Variants in CRADD observed in about 807,000 individuals in gnomAD.
CRADD encodes the protein death domain-containing protein CRADD.
CRADD carries 9 observed loss-of-function variants against 15.5 expected under a neutral mutation model. That is an observed-to-expected ratio of 0.58 (90% CI 0.35 to 1.01). CRADD has a LOEUF of 1.01. CRADD is among the 50% of genes least tolerant of loss of function. CRADD has a pLI of 0.02. For missense variants in CRADD, 227 were observed against 250.3 expected (o/e 0.91, Z 0.63); for synonymous variants, 118 against 107.6 (o/e 1.10, Z -0.60).
At chr12:93,790,840 A>T (rs1957340673) in intron 2 of CRADD, 2 of 151,998 alleles carry the variant, frequency 1.3e-5, no homozygotes, top group African/African-American at 2.4e-5. Context: ...TCATCTACTT[A>T]AAAAAATCAC....
chr12:93,865,985 G>A (rs183235796), intron 2 of CRADD, among the ~76,000 whole-genome samples: 36 of 152,038 alleles, frequency 2.4e-4, no homozygotes, highest in Non-Finnish European at 4.3e-4. Context: ...ATTACTTCTC[G>A]TTTCTAGCAT....
chr12:93,861,127 A>C (rs1463051685), intron 2 of CRADD, among the ~76,000 whole-genome samples: 1 of 152,116 alleles, frequency 6.6e-6, no homozygotes, highest in African/African-American at 2.4e-5. Flanking sequence ...TAAAGAGGGG[A>C]AGGGTAGTGG....
intron 2 of CRADD, among the ~76,000 whole-genome samples, chr12:93,732,292 GTC>G (rs1956480890): frequency 1.6e-5 from 1 of 63,538 alleles, no homozygotes; most frequent in African/African-American, 3.6e-5. Context: ...CATTTTCAGT[GTC>G]TCTAAAGATT....
At chr12:93,717,799 G>T (rs1161176522) in intron 2 of CRADD, among the ~76,000 whole-genome samples, 1 of 152,164 alleles carries the variant, frequency 6.6e-6, no homozygotes, top group Non-Finnish European at 1.5e-5. Flanking sequence ...AGGATTACAG[G>T]TATGAGCCGC....
chr12:93,770,967 G>C (rs1169312615), intron 2 of CRADD, among the ~76,000 whole-genome samples: 1 of 152,124 alleles, frequency 6.6e-6, no homozygotes, highest in Non-Finnish European at 1.5e-5. Context: ...TTTGTACATA[G>C]AGTATCTTTC....
intron 2 of CRADD, among the ~76,000 whole-genome samples, chr12:93,823,871 A>T (rs969361416): frequency 1.3e-5 from 2 of 152,228 alleles, no homozygotes; most frequent in Non-Finnish European, 2.9e-5. Flanking sequence ...AGGAACTCGA[A>T]TCATTAAAAC....
At chr12:93,842,259 C>T (rs1958058104) in intron 2 of CRADD, among the ~76,000 whole-genome samples, 1 of 152,084 alleles carries the variant, frequency 6.6e-6, no homozygotes, top group Non-Finnish European at 1.5e-5. Context: ...GGACCCTGGG[C>T]CTGTGGACTG....
rs972285641 is a variant in CRADD at position 93,891,081 on chromosome 12, C to G, written c.299-2969C>G. 6.6e-5 allele frequency among the ~76,000 whole-genome samples: 10 copies of G among 152,160 alleles called. 1 individual carries two copies. Among genetic ancestry groups the G allele is most frequent in the Admixed American group, 1.3e-4 (2 of 15,286 alleles). On this transcript the variant is annotated intron_variant, in intron 2 of 2. Coordinates refer to the CRADD transcript ENST00000548483. ...TTTCTTAAATGTATTTGATTGAAGT[C>G]TCATGTCTCTGTAAAATGTATAAAA...
intron 2 of CRADD, among the ~76,000 whole-genome samples, chr12:93,707,423 A>C (rs894868161): frequency 6.6e-6 from 1 of 152,168 alleles, no homozygotes; most frequent in Non-Finnish European, 1.5e-5. Context: ...TAGGGGATCC[A>C]CTTTTGAGAT....
At chr12:93,859,076 C>G (rs1958298330) in intron 2 of CRADD, among the ~76,000 whole-genome samples, 1 of 152,184 alleles carries the variant, frequency 6.6e-6, no homozygotes, top group African/African-American at 2.4e-5. Flanking sequence ...TTGTTTGAAG[C>G]AATAAAGTGC....
chr12:93,873,828 G>A (rs1322290135), intron 2 of CRADD, among the ~76,000 whole-genome samples: 1 of 151,972 alleles, frequency 6.6e-6, no homozygotes, highest in Non-Finnish European at 1.5e-5. Context: ...TTTTGTTGAG[G>A]ATTTTTGCAT....
At chr12:93,779,304 A>G (rs1957173615) in intron 2 of CRADD, among the ~76,000 whole-genome samples, 1 of 152,224 alleles carries the variant, frequency 6.6e-6, no homozygotes, top group South Asian at 2.1e-4. Flanking sequence ...AAAATTTTTT[A>G]TTGAAGTAGA....
intron 2 of CRADD, among the ~76,000 whole-genome samples, chr12:93,746,710 G>C (rs1422562428): frequency 1.3e-5 from 2 of 151,978 alleles, no homozygotes; most frequent in Non-Finnish European, 2.9e-5. Context: ...GTTCAAAGAG[G>C]TTAAATCTGA....
chr12:93,792,807 T>G (rs1957365227), intron 2 of CRADD, among the ~76,000 whole-genome samples: 1 of 152,206 alleles, frequency 6.6e-6, no homozygotes, highest in Non-Finnish European at 1.5e-5. Context: ...AGCCTTGATT[T>G]GAACCTGCAC....
intron 2 of CRADD, among the ~76,000 whole-genome samples, chr12:93,695,364 A>G (rs1230585719): frequency 6.6e-6 from 1 of 152,210 alleles, no homozygotes; most frequent in Non-Finnish European, 1.5e-5. Flanking sequence ...ACTAGAAGAA[A>G]ACCTAGGGGA....
chr12:93,859,363 AT>A, intron 2 of CRADD: 1 of 455,948 alleles, frequency 2.2e-6, no homozygotes, highest in Non-Finnish European at 4.4e-6. Flanking sequence ...GGAATCACCA[AT>A]TTTCTACCCC....
downstream of CRADD, among the ~76,000 whole-genome samples, chr12:93,853,509 C>T (rs909267686): frequency 3.3e-5 from 5 of 152,286 alleles, no homozygotes; most frequent in Admixed American, 3.3e-4. Context: ...ATAGCAATGT[C>T]TTTCACTCTC....
chr12:93,806,133 G>T (rs1047444159), intron 2 of CRADD, among the ~76,000 whole-genome samples: 2 of 152,066 alleles, frequency 1.3e-5, no homozygotes, highest in African/African-American at 4.8e-5. Context: ...GTTACCATGA[G>T]CCTGGTGTAG....
In CRADD at chr12:93,882,702, A is replaced by G. The variant is rs557157474; in HGVS notation, c.299-11348A>G. Among the ~76,000 whole-genome samples, 10 of 152,280 alleles carry G rather than the reference A, an allele frequency of 6.6e-5. 1 individual carries two copies. The highest frequency in any genetic ancestry group is 6.2e-4 in the South Asian group (3 of 4,832). On this transcript the variant is annotated intron_variant, in intron 2 of 2. Coordinates refer to the CRADD transcript ENST00000548483. ...ATTTAACGTTTTTGAACTTTTCAAT[A>G]CCTATACATAAATCAGTGGATCGAC...
Sources: allele counts gnomAD v4.1 joint callset (sites outside exome capture counted in the v4.1 genomes callset), GRCh38; gene constraint gnomAD v4.1.1; transcripts MANE v1.5; gene names NCBI Gene and HGNC (gene_info 2026-07-23, HGNC 2026-07-21).